Variants in DLGAP4 observed in about 807,000 individuals in gnomAD.
DLGAP4 encodes disks large-associated protein 4.
In DLGAP4, 18 loss-of-function variants were observed where a neutral mutation model predicts 86.9. The ratio of observed to expected loss-of-function variants is 0.21; its 90% CI spans 0.14 to 0.31. The LOEUF (loss-of-function observed/expected upper bound fraction) is 0.31. Among genes scored for constraint, DLGAP4 ranks in the 10% least tolerant of loss-of-function variants. The pLI is 1.00. For missense variants in DLGAP4, 1,085 were observed against 1,362.6 expected (o/e 0.80, Z 3.21); for synonymous variants, 548 against 574.3 (o/e 0.95, Z 0.65).
At chr20:36,395,325 A>G (rs546694471) in intron 2 of DLGAP4, among the ~76,000 whole-genome samples, 2 of 152,198 alleles carry the variant, frequency 1.3e-5, no homozygotes, top group South Asian at 2.1e-4. Flanking sequence ...TGTAGGCTCT[A>G]TGGGGGCAAG....
chr20:36,388,740 C>T (rs2031688817), intron 2 of DLGAP4, among the ~76,000 whole-genome samples: 2 of 152,072 alleles, frequency 1.3e-5, no homozygotes, highest in Non-Finnish European at 2.9e-5. Flanking sequence ...GTAAATGATT[C>T]GGAGCATAAG....
chr20:36,400,127 A>G (rs2032114585), intron 2 of DLGAP4, among the ~76,000 whole-genome samples: 2 of 152,372 alleles, frequency 1.3e-5, no homozygotes, highest in Admixed American at 1.3e-4. Flanking sequence ...TATTTTGTAT[A>G]CAAGCTTGAA....
intron 10 of DLGAP4, among the ~76,000 whole-genome samples, chr20:36,522,988 C>G (rs770307644): frequency 1.3e-5 from 2 of 152,188 alleles, no homozygotes; most frequent in Non-Finnish European, 2.9e-5. Flanking sequence ...GGGCTACAGG[C>G]ACATGCTACC....
rs2037884338 is a variant in DLGAP4 at position 36,528,167 on chromosome 20, CCG to C, written c.*1138_*1139del. The C allele has an allele frequency of 6.6e-6, 1 of 151,630 alleles. No individual in the cohort carries two copies. The highest frequency in any genetic ancestry group is 2.4e-5 in the African/African-American group (1 of 40,884). The allele number at this position is 151,630 out of a possible 1,614,324, so 9.4% of individuals were successfully genotyped here. Reference sequence around the variant, plus strand: ...TTTTTTGGTCTCCACCCCCCTCCCCCCGCCCCGCACTCCTAAGGGCCCATCTG... The same window carrying C: ...TTTTTTGGTCTCCACCCCCCTCCCCCCCCCGCACTCCTAAGGGCCCATCTG... On this transcript the variant is annotated 3_prime_UTR_variant, in exon 13 of 13. Coordinates refer to ENST00000339266, the MANE Select transcript of DLGAP4 (RefSeq NM_001365621.2).
At chr20:36,374,490 C>A (rs1333048889) in intron 2 of DLGAP4, among the ~76,000 whole-genome samples, 2 of 152,146 alleles carry the variant, frequency 1.3e-5, no homozygotes, top group African/African-American at 4.8e-5. Context: ...ACCACAGGGG[C>A]CTTGAATGCC....
intron 3 of DLGAP4, among the ~76,000 whole-genome samples, chr20:36,435,087 G>T (rs987599023): frequency 2.0e-5 from 3 of 151,464 alleles, no homozygotes; most frequent in Non-Finnish European, 2.9e-5. Context: ...GTGGGGGGGG[G>T]TTGCTGTGAC....
intron 1 of DLGAP4, among the ~76,000 whole-genome samples, chr20:36,319,331 G>C (rs1422679918): frequency 6.6e-6 from 1 of 152,094 alleles, no homozygotes; most frequent in East Asian, 1.9e-4. Flanking sequence ...TCCTCAGAGA[G>C]ATAACAGTGT....
At chr20:36,476,511 T>C (rs1426122642) in intron 7 of DLGAP4, among the ~76,000 whole-genome samples, 1 of 149,890 alleles carries the variant, frequency 6.7e-6, no homozygotes, top group Non-Finnish European at 1.5e-5. Flanking sequence ...ATATTTTTAG[T>C]AGAAACAGGG....
intron 10 of DLGAP4, among the ~76,000 whole-genome samples, chr20:36,513,503 G>A (rs1280224541): frequency 1.4e-5 from 2 of 145,668 alleles, no homozygotes; most frequent in Admixed American, 7.0e-5. Context: ...AGCCGAGATT[G>A]CGCCACTGCA....
chr20:36,455,584 C>T (rs1162097177), intron 7 of DLGAP4, among the ~76,000 whole-genome samples: 3 of 152,178 alleles, frequency 2.0e-5, no homozygotes, highest in Non-Finnish European at 4.4e-5. Flanking sequence ...ACCCTGAGTT[C>T]TGTGTCACTC....
At chr20:36,469,746 C>CT (rs1423053559) in intron 7 of DLGAP4, among the ~76,000 whole-genome samples, 1 of 140,416 alleles carries the variant, frequency 7.1e-6, no homozygotes, top group Non-Finnish European at 1.5e-5. Context: ...GAGCAAGACT[C>CT]TGTCTCAAAA....
chr20:36,397,208 C>T (rs561614756), intron 2 of DLGAP4, among the ~76,000 whole-genome samples: 19 of 152,298 alleles, frequency 1.2e-4, no homozygotes, highest in Admixed American at 9.8e-4. Context: ...CACATGGACT[C>T]GCCTGAGAGC....
At chr20:36,461,853 T>G (rs1398399036) in intron 7 of DLGAP4, 1 of 983,522 alleles carries the variant, frequency 1.0e-6, no homozygotes, top group East Asian at 1.2e-4. Flanking sequence ...TCGCTGTCTC[T>G]TTGTCTCTGC....
chr20:36,427,667 G>A (rs1156632309), intron 2 of DLGAP4, among the ~76,000 whole-genome samples: 1 of 152,128 alleles, frequency 6.6e-6, no homozygotes, highest in Non-Finnish European at 1.5e-5. Flanking sequence ...AAAAGGCTGG[G>A]TGCAGTGGCT....
chr20:36,389,561 G>T (rs1383789328), intron 2 of DLGAP4, among the ~76,000 whole-genome samples: 3 of 152,112 alleles, frequency 2.0e-5, no homozygotes, highest in Admixed American at 2.0e-4. Flanking sequence ...ATCATTTTTA[G>T]CTGTGAGTCT....
In DLGAP4 at chr20:36,320,454, C is replaced by T. The variant is rs1159951003; in HGVS notation, c.-304+13942C>T. On this transcript the variant is annotated intron_variant, in intron 1 of 12. Transcript: ENST00000339266. ...CACTGACCCTTGCCCTGGTGGACTC[C>T]CTCTGCCAGGGCAGGTGGCAGTGGG... Among the ~76,000 whole-genome samples, 3 of 152,102 alleles carry T rather than the reference C, an allele frequency of 2.0e-5. No homozygotes were observed. The East Asian group carries it at 5.8e-4, about 29-fold the overall frequency.
At chr20:36,450,490 C>T (rs1425481536) in intron 7 of DLGAP4, among the ~76,000 whole-genome samples, 1 of 151,572 alleles carries the variant, frequency 6.6e-6, no homozygotes, top group Non-Finnish European at 1.5e-5. Context: ...AAAAGTGAGA[C>T]TCCGTCTCAA....
At chr20:36,520,010 G>C (rs2037280085) in intron 10 of DLGAP4, among the ~76,000 whole-genome samples, 2 of 151,204 alleles carry the variant, frequency 1.3e-5, no homozygotes, top group South Asian at 4.2e-4. Flanking sequence ...TGCCCAGGCT[G>C]GTCCTGAACT....
intron 7 of DLGAP4, among the ~76,000 whole-genome samples, chr20:36,478,486 C>T (rs947569527): frequency 1.3e-5 from 2 of 152,324 alleles, no homozygotes; most frequent in African/African-American, 4.8e-5. Context: ...AACATCAGGG[C>T]AGAGCAGCTC....
Sources: allele counts gnomAD v4.1 joint callset (sites outside exome capture counted in the v4.1 genomes callset), GRCh38; gene constraint gnomAD v4.1.1; transcripts MANE v1.5; gene names NCBI Gene and HGNC (gene_info 2026-07-23, HGNC 2026-07-21).